The following SLC39A9 variants were observed in gnomAD, a reference collection of about 807,000 sequenced individuals.
SLC39A9 encodes the protein solute carrier family 39 member 9.
Under a neutral mutation model 28.4 loss-of-function variants are expected in SLC39A9, and 14 were observed. That is an observed-to-expected ratio of 0.49 (90% CI 0.33 to 0.77). The LOEUF (loss-of-function observed/expected upper bound fraction) is 0.77. Among genes scored for constraint, SLC39A9 ranks in the 30% least tolerant of loss-of-function variants. The pLI is 0.02. For synonymous variants in SLC39A9, 119 were observed against 149.6 expected (o/e 0.80, Z 1.49); for missense variants, 283 against 381.1 (o/e 0.74, Z 2.14).
intron 1 of SLC39A9, among the ~76,000 whole-genome samples, chr14:69,417,574 T>C: frequency 6.6e-6 from 1 of 152,238 alleles, no homozygotes; most frequent in Non-Finnish European, 1.5e-5. Flanking sequence ...AGTATGGCCA[T>C]TTTCATGATA....
rs553952254 is a variant in SLC39A9 at position 69,461,782 on chromosome 14, A to G, written c.*3189A>G. 6.6e-6 allele frequency: 10 copies of G among 1,526,602 alleles called. No individual in the cohort carries two copies. In the African/African-American group the frequency reaches 1.2e-4, roughly 19 times the overall value. 94.6% of individuals were successfully genotyped at this position (1,526,602 alleles called of 1,614,324 possible). A position where few individuals can be genotyped will look rare whatever the true frequency, so the allele number is the denominator to read the frequency against. On this transcript the variant is annotated 3_prime_UTR_variant, in exon 7 of 7. Coordinates refer to ENST00000336643, the MANE Select transcript of SLC39A9 (RefSeq NM_018375.5). Reference sequence around the variant, plus strand: ...GCTAGGGACTGAACACAGGAACCGTATGACAGCAGCACAAACCCCCAAAGG... The same window carrying G: ...GCTAGGGACTGAACACAGGAACCGTGTGACAGCAGCACAAACCCCCAAAGG...
chr14:69,411,499 C>G (rs190508520), intron 1 of SLC39A9, among the ~76,000 whole-genome samples: 1 of 152,164 alleles, frequency 6.6e-6, no homozygotes, highest in Admixed American at 6.5e-5. Context: ...TCATGCCTCT[C>G]CTGAGCAAAT....
intron 1 of SLC39A9, among the ~76,000 whole-genome samples, chr14:69,420,907 AG>A (rs1284412998): frequency 6.6e-6 from 1 of 152,148 alleles, no homozygotes; most frequent in East Asian, 1.9e-4. Context: ...TCTTTTTTCA[AG>A]GTTTTAAGCT....
chr14:69,450,725 G>A (rs929077815), intron 3 of SLC39A9, among the ~76,000 whole-genome samples: 1 of 152,170 alleles, frequency 6.6e-6, no homozygotes, highest in Non-Finnish European at 1.5e-5. Context: ...AGTGAGCTGT[G>A]ATCGCACCAC....
intron 3 of SLC39A9, among the ~76,000 whole-genome samples, chr14:69,449,577 A>T (rs543183148): frequency 2.4e-4 from 37 of 152,208 alleles, no homozygotes; most frequent in Middle Eastern, 3.4e-3. Flanking sequence ...GTAAGCTATG[A>T]TTGTGCTACT....
At position 69,461,055 on chromosome 14, in the gene SLC39A9, C is replaced by G. The variant is rs1886091055; in HGVS notation, c.*2462C>G. The G allele has an allele frequency of 1.0e-6, 1 of 985,440 alleles. No individual in the cohort carries two copies. Among genetic ancestry groups the G allele is most frequent in the African/African-American group, 1.7e-5 (1 of 57,216 alleles). 61.0% of individuals were successfully genotyped at this position (985,440 alleles called of 1,614,324 possible). ...TCCGTTTTCCTCTTGTTTAAAACTG[C>G]CTCTTTAGATGTGGATGCCTTAATG... On this transcript the variant is annotated 3_prime_UTR_variant, in exon 7 of 7. Coordinates refer to ENST00000336643, the MANE Select transcript of SLC39A9 (RefSeq NM_018375.5).
chr14:69,403,107 A>T (rs1037786072), intron 1 of SLC39A9, among the ~76,000 whole-genome samples: 4 of 152,118 alleles, frequency 2.6e-5, no homozygotes, highest in African/African-American at 9.7e-5. Context: ...TAAATAAATA[A>T]AAATAAATAA....
Position 69,400,831 on chromosome 14 carries a change from A to T in SLC39A9, c.96+1366A>T, listed in dbSNP as rs1029328703. 5.9e-5 allele frequency among the ~76,000 whole-genome samples: 9 copies of T among 152,080 alleles called. No homozygotes were observed. The South Asian group carries it at 8.3e-4, about 14-fold the overall frequency. ...CCTCAGCATCTAATGATAGCATTTT[A>T]AAAAATTACGTGCATTACCTAACTT... is the stretch of plus-strand genomic sequence containing the variant. On this transcript the variant is annotated intron_variant, in intron 1 of 6. Transcript: ENST00000336643.
In SLC39A9 at chr14:69,459,839, CA is replaced by C. The variant is rs1886040900; in HGVS notation, c.*1247del. The stretch of plus-strand genomic sequence containing the variant: ...ATATTTGTGTGGGATGAATTCTTAT[CA>C]GGACAACCACTTCTCGAACTGTAAT... On this transcript the variant is annotated 3_prime_UTR_variant, in exon 7 of 7. Transcript: ENST00000336643. The C allele has an allele frequency of 1.0e-5, 10 of 985,310 alleles. No homozygotes were observed. Among genetic ancestry groups the C allele is most frequent in the Non-Finnish European group, 1.1e-5 (9 of 829,872 alleles). 61.0% of individuals were successfully genotyped at this position (985,310 alleles called of 1,614,324 possible).
chr14:69,400,841 G>T (rs954608994), intron 1 of SLC39A9, among the ~76,000 whole-genome samples: 4 of 151,778 alleles, frequency 2.6e-5, no homozygotes, highest in South Asian at 4.2e-4. Context: ...AAAAAATTAC[G>T]TGCATTACCT....
chr14:69,412,558 T>A (rs1449796070), intron 1 of SLC39A9, among the ~76,000 whole-genome samples: 1 of 152,124 alleles, frequency 6.6e-6, no homozygotes, highest in South Asian at 2.1e-4. Context: ...TCTAAAGAGG[T>A]TCCGCTACAT....
At chr14:69,400,351 A>G (rs1262762101) in intron 1 of SLC39A9, among the ~76,000 whole-genome samples, 2 of 152,226 alleles carry the variant, frequency 1.3e-5, no homozygotes, top group East Asian at 3.8e-4. Context: ...TTTGATTGGC[A>G]CCTTGAACAG....
At chr14:69,454,773 T>G (rs774655012) in intron 4 of SLC39A9, 39 bp from the exon 5 acceptor site, 17 of 1,531,444 alleles carry the variant, frequency 1.1e-5, no homozygotes, top group Non-Finnish European at 1.5e-5. Context: ...TTGTTGTTGT[T>G]GTTTATAGTA....
chr14:69,435,775 C>T (rs1445509820), intron 2 of SLC39A9, among the ~76,000 whole-genome samples: 2 of 151,866 alleles, frequency 1.3e-5, no homozygotes, highest in African/African-American at 2.4e-5. Flanking sequence ...CGGGTTCAAG[C>T]GATTCTCCTG....
intron 2 of SLC39A9, among the ~76,000 whole-genome samples, chr14:69,441,504 T>C (rs1389893049): frequency 6.6e-6 from 1 of 152,224 alleles, no homozygotes; most frequent in Non-Finnish European, 1.5e-5. Flanking sequence ...TAGAACTGAA[T>C]TTAGACTGAA....
At chr14:69,430,176 T>C (rs1207995073) in intron 2 of SLC39A9, among the ~76,000 whole-genome samples, 4 of 152,244 alleles carry the variant, frequency 2.6e-5, no homozygotes, top group African/African-American at 9.6e-5. Flanking sequence ...CAGTATCTTT[T>C]AGAGAGCAGT....
At chr14:69,452,610 G>A (rs1465048658) in intron 3 of SLC39A9, among the ~76,000 whole-genome samples, 4 of 152,194 alleles carry the variant, frequency 2.6e-5, no homozygotes, top group Admixed American at 2.0e-4. Context: ...GATTACAGGT[G>A]TGAGCTACTG....
intron 1 of SLC39A9, among the ~76,000 whole-genome samples, chr14:69,400,231 C>T (rs1882557592): frequency 6.6e-6 from 1 of 152,196 alleles, no homozygotes; most frequent in Non-Finnish European, 1.5e-5. Context: ...GTTCTTAACT[C>T]ACATTTCCTT....
At position 69,399,286 on chromosome 14, in the gene SLC39A9, A is replaced by C; in HGVS notation, c.-84A>C. On this transcript the variant is annotated 5_prime_UTR_variant, in exon 1 of 7. Coordinates refer to ENST00000336643, the MANE Select transcript of SLC39A9 (RefSeq NM_018375.5). ...GAAAGCCCACTCTCTTGGAACCACC[A>C]CACCTGTTTAAAGAACCTAAGCACC... is the stretch of plus-strand genomic sequence containing the variant. 4 of 1,215,588 alleles carry C rather than the reference A, an allele frequency of 3.3e-6. No homozygotes were observed. Among genetic ancestry groups the C allele is most frequent in the Non-Finnish European group, 4.8e-6 (4 of 835,240 alleles). The allele number at this position is 1,215,588 out of a possible 1,614,324, so 75.3% of individuals were successfully genotyped here. A position where few individuals can be genotyped will look rare whatever the true frequency, so the allele number is the denominator to read the frequency against.
Sources: allele counts gnomAD v4.1 joint callset (sites outside exome capture counted in the v4.1 genomes callset), GRCh38; gene constraint gnomAD v4.1.1; transcripts MANE v1.5; gene names NCBI Gene and HGNC (gene_info 2026-07-23, HGNC 2026-07-21).